ERC1: variants seen among roughly 807,000 people sequenced by gnomAD.
The protein encoded by ERC1 is ELKS/RAB6-interacting/CAST family member 1.
A neutral mutation model predicts 132.0 loss-of-function variants in ERC1; 56 were observed. That is an observed-to-expected ratio of 0.42 (90% CI 0.34 to 0.53). The LOEUF (loss-of-function observed/expected upper bound fraction) is 0.53. ERC1 is among the 20% of genes least tolerant of loss of function. The pLI is 0.03. For synonymous variants in ERC1, 478 were observed against 476.1 expected (o/e 1.00, Z -0.05); for missense variants, 1,202 against 1,349.9 (o/e 0.89, Z 1.72).
intron 16 of ERC1, among the ~76,000 whole-genome samples, chr12:1,401,556 A>C (rs1020841934): frequency 1.3e-5 from 2 of 152,166 alleles, no homozygotes; most frequent in Non-Finnish European, 2.9e-5. Context: ...TAGCCCTGTG[A>C]CTTATTCATC....
chr12:1,305,543 A>G (rs1217549562), intron 15 of ERC1, among the ~76,000 whole-genome samples: 2 of 152,160 alleles, frequency 1.3e-5, no homozygotes, highest in African/African-American at 2.4e-5. Flanking sequence ...ACTTAAACTC[A>G]TCAGCTATAA....
At chr12:1,188,107 C>T (rs1168844071) in intron 11 of ERC1, among the ~76,000 whole-genome samples, 5 of 152,276 alleles carry the variant, frequency 3.3e-5, no homozygotes, top group Non-Finnish European at 7.4e-5. Flanking sequence ...ATCTCAGTGA[C>T]GTTAAATGCC....
chr12:1,199,187 A>G (rs969220772), intron 12 of ERC1, among the ~76,000 whole-genome samples: 22 of 148,172 alleles, frequency 1.5e-4, no homozygotes, highest in African/African-American at 5.5e-4. Flanking sequence ...CCCACCTCCA[A>G]CACTGGGGAT....
chr12:1,316,583 G>C (rs1292506350), intron 15 of ERC1, among the ~76,000 whole-genome samples: 1 of 152,148 alleles, frequency 6.6e-6, no homozygotes, highest in Non-Finnish European at 1.5e-5. Context: ...AATTGCTGTT[G>C]TTAATGCGGG....
chr12:1,431,738 A>G (rs927831623), intron 17 of ERC1, among the ~76,000 whole-genome samples: 1 of 152,170 alleles, frequency 6.6e-6, no homozygotes, highest in Non-Finnish European at 1.5e-5. Flanking sequence ...GGATTTTTTA[A>G]GATAGTAATT....
intron 1 of ERC1, among the ~76,000 whole-genome samples, chr12:1,025,867 C>G (rs1391114531): frequency 6.8e-6 from 1 of 147,654 alleles, no homozygotes; most frequent in Non-Finnish European, 1.5e-5. Context: ...GGCGCGATCT[C>G]GGCTCACTGC....
chr12:1,425,923 A>G (rs7960322), intron 17 of ERC1, among the ~76,000 whole-genome samples: 35,659 of 152,084 alleles, frequency 0.23, 6,856 homozygotes, highest in African/African-American at 0.53. Flanking sequence ...TCTGAAATGG[A>G]AGTGATGATA....
chr12:1,179,500 C>CTTTTTTTTTTTTTT (rs58317880), intron 8 of ERC1, among the ~76,000 whole-genome samples: 1 of 95,758 alleles, frequency 1.0e-5, no homozygotes, highest in Non-Finnish European at 1.9e-5. Flanking sequence ...ATTCATTTTT[C>CTTTTTTTTTTTTTT]TTTTTTTTTT....
chr12:1,372,113 T>A, intron 16 of ERC1, 136 bp downstream of exon 16: 1 of 1,107,084 alleles, frequency 9.0e-7, no homozygotes, highest in Non-Finnish European at 1.2e-6. Context: ...TTAGTTTCCA[T>A]CATTAGAGAC....
intron 12 of ERC1, among the ~76,000 whole-genome samples, chr12:1,202,573 C>T (rs1370549646): frequency 6.6e-6 from 1 of 152,024 alleles, no homozygotes; most frequent in Non-Finnish European, 1.5e-5. Context: ...GGGAGGATCA[C>T]TTGAGTCTGG....
chr12:1,182,071 G>A lies in ERC1; in HGVS notation c.2016+6G>A. 6.2e-7 allele frequency: 1 copy of A among 1,613,070 alleles called. No homozygotes were observed. The highest frequency in any genetic ancestry group is 2.2e-5 in the East Asian group (1 of 44,876). The stretch of plus-strand genomic sequence containing the variant: ...GCGACCTTTCAGAGAAAGAGGTTAA[G>A]CTCCCCAAAATGGAATTAGTTTGTT... On this transcript the variant is annotated splice_donor_region_variant and intron_variant, in intron 10 of 18. Transcript: ENST00000360905.
chr12:1,325,741 A>C (rs1445732058), intron 15 of ERC1, among the ~76,000 whole-genome samples: 1 of 152,170 alleles, frequency 6.6e-6, no homozygotes, highest in Non-Finnish European at 1.5e-5. Flanking sequence ...TAGACATCTA[A>C]AGAGTAATCT....
chr12:1,344,672 G>GCT (rs2084263798), intron 15 of ERC1, among the ~76,000 whole-genome samples: 1 of 152,142 alleles, frequency 6.6e-6, no homozygotes, highest in Non-Finnish European at 1.5e-5. Context: ...TGGAACCTGA[G>GCT]CTCTCTAGGA....
In ERC1 at chr12:1,099,011, T is replaced by C. The variant is rs529301606; in HGVS notation, c.1087-5739T>C. Among the ~76,000 whole-genome samples, 22 of 152,190 alleles carry C rather than the reference T, an allele frequency of 1.4e-4. No individual in the cohort carries two copies. In the East Asian group the frequency reaches 4.2e-3, roughly 29 times the overall value. On this transcript the variant is annotated intron_variant, in intron 3 of 18. Transcript: ENST00000360905. The stretch of plus-strand genomic sequence containing the variant: ...AGAGAAAACAAGTGTCTAGGAGGGA[T>C]TGGGCCGTTGCTTTGAATGCTTCTG...
Position 1,121,773 on chromosome 12 carries a change from ATCTCTATCTATCTCT to A in ERC1, c.1569+5741_1569+5755del, listed in dbSNP as rs1947235514. Among the ~76,000 whole-genome samples the A allele has an allele frequency of 9.3e-4, 6 of 6,428 alleles. 2 individuals carry two copies. The highest frequency in any genetic ancestry group is 3.5e-3 in the Non-Finnish European group (5 of 1,446). The allele number at this position is 6,428 out of a possible 152,430, so 4.2% of individuals were successfully genotyped here. ...TCTATCTCTATCTCTATCTATCTCT[ATCTCTATCTATCTCT>A]ATCTCTATCTCTATCTCTATCTCTA... On this transcript the variant is annotated intron_variant, in intron 7 of 18. Coordinates refer to ENST00000360905, the MANE Select transcript of ERC1 (RefSeq NM_178040.4).
At chr12:1,196,838 C>CTCTCTCTCTCTCTCTCTCTCTCTCTCTG (rs1555299913) in intron 12 of ERC1, among the ~76,000 whole-genome samples, 1 of 99,402 alleles carries the variant, frequency 1.0e-5, no homozygotes, top group Non-Finnish European at 2.1e-5. Context: ...CTCTGTCTGT[C>CTCTCTCTCTCTCTCTCTCTCTCTCTCTG]TCTCTGTCTG....
chr12:1,345,408 C>T (rs911273461), intron 15 of ERC1, among the ~76,000 whole-genome samples: 21 of 152,092 alleles, frequency 1.4e-4, no homozygotes, highest in South Asian at 4.1e-4. Flanking sequence ...TGGTCTCAAT[C>T]TCCTGATCTC....
intron 15 of ERC1, among the ~76,000 whole-genome samples, chr12:1,358,981 A>G (rs2085810173): frequency 6.6e-6 from 1 of 152,152 alleles, no homozygotes; most frequent in Non-Finnish European, 1.5e-5. Context: ...AGTTTGCTTC[A>G]TTTTTTCATT....
chr12:1,398,139 G>A (rs1163344353), intron 16 of ERC1, among the ~76,000 whole-genome samples: 4 of 151,836 alleles, frequency 2.6e-5, no homozygotes, highest in Admixed American at 6.6e-5. Flanking sequence ...ACATGCCACC[G>A]TGTCTGGCTA....
Sources: allele counts gnomAD v4.1 joint callset (sites outside exome capture counted in the v4.1 genomes callset), GRCh38; gene constraint gnomAD v4.1.1; transcripts MANE v1.5; gene names NCBI Gene and HGNC (gene_info 2026-07-23, HGNC 2026-07-21).